Variants in ANK1 observed in about 807,000 individuals in gnomAD.
ANK1 encodes the protein ankyrin 1.
In ANK1, 51 loss-of-function variants were observed where a neutral mutation model predicts 210.4. That is an observed-to-expected ratio of 0.24 (90% CI 0.19 to 0.31). The LOEUF (loss-of-function observed/expected upper bound fraction) is 0.31, where lower values mean the gene tolerates loss of function less well. ANK1 is among the 10% of genes least tolerant of loss of function. ANK1 has a pLI of 1.00. For missense variants in ANK1, 2,051 were observed against 2,504.4 expected (o/e 0.82, Z 3.86); for synonymous variants, 967 against 1,025.9 (o/e 0.94, Z 1.10).
rs140009679 is a variant in ANK1, at chr8:41,882,969, G to A, written c.126+13386C>T. 1.4e-3 allele frequency among the ~76,000 whole-genome samples: 211 copies of A among 152,234 alleles called. 1 individual carries two copies. Among genetic ancestry groups the A allele is most frequent in the African/African-American group, 4.7e-3 (196 of 41,538 alleles). On this transcript the variant is annotated intron_variant, in intron 1 of 42. Coordinates refer to the ANK1 transcript ENST00000265709. ...TGTTCACCTGAGGCAGGTGCTCTCCGCCCTCCCCAAAGTCACTCTTTTGGC... is the reference window on the plus strand; with the variant it reads ...TGTTCACCTGAGGCAGGTGCTCTCCACCCTCCCCAAAGTCACTCTTTTGGC...
rs775266895 is a variant in ANK1 at position 41,727,220 on chromosome 8, G to C, written c.426+30C>G. Reference sequence around the variant, plus strand: ...AGGTTGTACACCTGGGAGACTTCTGGTGGTGACGACATTTTTCCAAGGTAC... The same window carrying C: ...AGGTTGTACACCTGGGAGACTTCTGCTGGTGACGACATTTTTCCAAGGTAC... On this transcript the variant is annotated intron_variant, in intron 5 of 42. Transcript: ENST00000289734. The C allele has an allele frequency of 1.9e-6, 3 of 1,571,756 alleles. No individual in the cohort carries two copies. The Admixed American group carries it at 5.0e-5, about 26-fold the overall frequency.
chr8:41,892,694 C>T (rs1332927023), intron 1 of ANK1, among the ~76,000 whole-genome samples: 2 of 152,100 alleles, frequency 1.3e-5, no homozygotes, highest in East Asian at 3.9e-4. Flanking sequence ...TTTCCAGATG[C>T]CCCCAAAAGA....
At chr8:41,687,058 G>A (rs563042586) in intron 35 of ANK1, among the ~76,000 whole-genome samples, 30 of 152,288 alleles carry the variant, frequency 2.0e-4, no homozygotes, top group Middle Eastern at 3.4e-3. Context: ...AGAAGGAGCC[G>A]TGACTGAACT....
chr8:41,726,126 C>G (rs1254170035), intron 5 of ANK1, among the ~76,000 whole-genome samples, 180 bp from the exon 6 acceptor site: 1 of 152,240 alleles, frequency 6.6e-6, no homozygotes, highest in Non-Finnish European at 1.5e-5. Flanking sequence ...CCCTGAAGCC[C>G]TTCCTGCCTC....
intron 31 of ANK1, among the ~76,000 whole-genome samples, chr8:41,691,749 T>C (rs999612905): frequency 4.6e-5 from 7 of 152,210 alleles, no homozygotes; most frequent in South Asian, 2.1e-4. Flanking sequence ...TGTGTGACCA[T>C]TGGCAAGTTA....
In ANK1 at chr8:41,778,265, C is replaced by T. The variant is rs1184387174; in HGVS notation, c.27+19247G>A. Reference sequence around the variant, plus strand: ...AATAGGACAATAAAAGGGTCAAATACTCAGTAAGATAATAGCTCAAGAGAT... The same window carrying T: ...AATAGGACAATAAAAGGGTCAAATATTCAGTAAGATAATAGCTCAAGAGAT... On this transcript the variant is annotated intron_variant, in intron 1 of 42. Coordinates refer to ENST00000289734, the MANE Select transcript of ANK1 (RefSeq NM_000037.4). 3.3e-5 allele frequency among the ~76,000 whole-genome samples: 5 copies of T among 152,312 alleles called. No homozygotes were observed. The East Asian group carries it at 9.6e-4, about 29-fold the overall frequency.
At chr8:41,690,449 G>GA in intron 32 of ANK1, 25 bp downstream of exon 32, 1 of 1,614,234 alleles carries the variant, frequency 6.2e-7, no homozygotes, top group Middle Eastern at 1.6e-4. Context: ...ACCCAGAGGA[G>GA]AACTCAGCCA....
At chr8:41,664,356 C>T (rs886569483) in intron 39 of ANK1, 29 of 364,892 alleles carry the variant, frequency 7.9e-5, no homozygotes, top group Admixed American at 7.5e-5. Context: ...GCCTGTAGTA[C>T]CAGCTACTCA....
At position 41,704,559 on chromosome 8, in the gene ANK1, A is replaced by C; in HGVS notation, c.2098-87T>G. 8.4e-7 allele frequency: 1 copy of C among 1,192,226 alleles called. No individual in the cohort carries two copies. Among genetic ancestry groups the C allele is most frequent in the Non-Finnish European group, 1.2e-6 (1 of 802,558 alleles). The allele number at this position is 1,192,226 out of a possible 1,614,324, so 73.9% of individuals were successfully genotyped here. A position where few individuals can be genotyped will look rare whatever the true frequency, so the allele number is the denominator to read the frequency against. On this transcript the variant is annotated intron_variant, in intron 18 of 42. Transcript: ENST00000289734. The surrounding 1 kb of genome is among the most constrained non-coding windows in gnomAD (Gnocchi z 4.1). ...TTCCCAAAGCAGCTGATTCAAAGAG[A>C]GAACGGACAGGGAGCCCCTTGAAGG...
At chr8:41,848,285 A>G (rs1472682851) in intron 1 of ANK1, among the ~76,000 whole-genome samples, 1 of 152,228 alleles carries the variant, frequency 6.6e-6, no homozygotes, top group East Asian at 1.9e-4. Flanking sequence ...CTCTGCATAA[A>G]ACACCCAGTG....
intron 1 of ANK1, among the ~76,000 whole-genome samples, chr8:41,824,708 T>C (rs1315450608): frequency 1.3e-5 from 2 of 152,122 alleles, no homozygotes; most frequent in African/African-American, 2.4e-5. Context: ...GACCCCGCCT[T>C]CGCCACTCTT....
chr8:41,738,323 C>T (rs773438409), intron 2 of ANK1, among the ~76,000 whole-genome samples: 2 of 152,216 alleles, frequency 1.3e-5, no homozygotes, highest in Non-Finnish European at 2.9e-5. Context: ...CCCAGCAGCA[C>T]CTCTCCTCCA....
intron 37 of ANK1, among the ~76,000 whole-genome samples, chr8:41,681,637 G>A (rs533871850): frequency 1.5e-3 from 231 of 152,334 alleles, no homozygotes; most frequent in Non-Finnish European, 2.4e-3. Flanking sequence ...GCCAAGGTCC[G>A]ACTGTGGGCA....
chr8:41,691,339 T>C (rs191917986), intron 31 of ANK1, among the ~76,000 whole-genome samples: 92 of 152,320 alleles, frequency 6.0e-4, no homozygotes, highest in Admixed American at 1.2e-3. Flanking sequence ...GGGTGAGCTT[T>C]CAACTGAGAA....
In ANK1 at chr8:41,655,006, A is replaced by G. The variant is rs1436175204; in HGVS notation, c.*784T>C. 1 of 152,630 alleles carries G rather than the reference A, an allele frequency of 6.6e-6. No homozygotes were observed. Among genetic ancestry groups the G allele is most frequent in the Non-Finnish European group, 1.5e-5 (1 of 68,090 alleles). The allele number at this position is 152,630 out of a possible 1,614,324, so 9.5% of individuals were successfully genotyped here. A position where few individuals can be genotyped will look rare whatever the true frequency, so the allele number is the denominator to read the frequency against. ...CAAGGTAATGATTTTCCATTGGAAG[A>G]TGATTCGTATTGAAATTGGCAGAGA... On this transcript the variant is annotated 3_prime_UTR_variant, in exon 43 of 43. Transcript: ENST00000289734.
At position 41,851,026 on chromosome 8, in the gene ANK1, G is replaced by A. The variant is rs920300982; in HGVS notation, c.126+45329C>T. Among the ~76,000 whole-genome samples, 17 of 152,180 alleles carry A rather than the reference G, an allele frequency of 1.1e-4. 1 individual carries two copies. Among genetic ancestry groups the A allele is most frequent in the Non-Finnish European group, 2.1e-4 (14 of 68,036 alleles). ...ATTTCTGTGGTCTCTGGAAAAGAAG[G>A]CACCTCCCCAGAAATCTTACCTGTG... On this transcript the variant is annotated intron_variant, in intron 1 of 42. Transcript: ENST00000265709.
chr8:41,778,921 G>C lies in ANK1; in HGVS notation c.27+18591C>G, dbSNP rs184494787. ...ATAGAGCTGACATTCCTATGGGAGG[G>C]AGGAGAGAGAGATAGAGGAGCAGTA... On this transcript the variant is annotated intron_variant, in intron 1 of 42. Transcript: ENST00000289734. Among the ~76,000 whole-genome samples, 262 of 152,372 alleles carry C rather than the reference G, an allele frequency of 1.7e-3. 1 individual carries two copies. The highest frequency in any genetic ancestry group is 3.1e-3 in the Non-Finnish European group (208 of 68,040).
At chr8:41,781,683 T>C (rs1030838463) in intron 1 of ANK1, among the ~76,000 whole-genome samples, 2 of 152,180 alleles carry the variant, frequency 1.3e-5, no homozygotes, top group Non-Finnish European at 2.9e-5. Flanking sequence ...CACTGGAGTC[T>C]GCACAGATGG....
At chr8:41,817,243 T>TG (rs1242707229) in intron 1 of ANK1, among the ~76,000 whole-genome samples, 2 of 152,300 alleles carry the variant, frequency 1.3e-5, no homozygotes, top group Admixed American at 1.3e-4. Flanking sequence ...GAAGGAGTTT[T>TG]GGGGGGCACA....
Sources: gnomAD v4.1 joint callset for allele counts (sites outside exome capture counted in the v4.1 genomes callset) on GRCh38, gnomAD v4.1.1 for gene constraint, Gnocchi (gnomAD v3.1) non-coding constraint, MANE v1.5 for transcripts, NCBI Gene and HGNC (gene_info 2026-07-23, HGNC 2026-07-21) for gene names.